ETFBKMT: variants seen among roughly 807,000 people sequenced by gnomAD.
The protein encoded by ETFBKMT is electron transfer flavoprotein subunit beta lysine methyltransferase.
In ETFBKMT, 13 loss-of-function variants were observed where a neutral mutation model predicts 18.3. That is an observed-to-expected ratio of 0.71 (90% confidence interval 0.46 to 1.13). The LOEUF (loss-of-function observed/expected upper bound fraction) is 1.13, where lower values mean the gene tolerates loss of function less well. Among genes scored for constraint, ETFBKMT ranks in the 50% most tolerant of loss-of-function variants. The pLI is 0.00. For missense variants in ETFBKMT, 293 were observed against 306.2 expected, an observed-to-expected ratio of 0.96 and a Z score of 0.32; for synonymous variants, 84 against 107.9, an observed-to-expected ratio of 0.78 and a Z score of 1.37.
chr12:31,666,310 A>T, intron 3 of ETFBKMT, 93 bp downstream of exon 3: 1 of 1,330,782 alleles, frequency 7.5e-7, no homozygotes, highest in Non-Finnish European at 1.0e-6. Flanking sequence ...GCTTATCGTT[A>T]TATGTATTTT....
chr12:31,649,097 G>A (rs1303508748), intron 1 of ETFBKMT, among the ~76,000 whole-genome samples: 1 of 152,158 alleles, frequency 6.6e-6, no homozygotes, highest in Admixed American at 6.6e-5. Context: ...GATTACAGGC[G>A]CCCACCACCA....
At position 31,672,238 on chromosome 12, in the gene ETFBKMT, A is replaced by G. The variant is rs1463061915; in HGVS notation, c.*4248A>G. The stretch of plus-strand genomic sequence containing the variant: ...AACATTAAGTAGAATGCAAATCTCT[A>G]TAGATGGTTTCCTGGGAAAGTAGTT... On this transcript the variant is annotated 3_prime_UTR_variant, in exon 4 of 4. Transcript: ENST00000357721. The G allele has an allele frequency of 2.8e-6, 3 of 1,081,664 alleles. No homozygotes were observed. Among genetic ancestry groups the G allele is most frequent in the African/African-American group, 3.1e-5 (2 of 63,728 alleles). 67.0% of individuals were successfully genotyped at this position (1,081,664 alleles called of 1,614,324 possible). A position where few individuals can be genotyped will look rare whatever the true frequency, so the allele number is the denominator to read the frequency against.
intron 3 of ETFBKMT, among the ~76,000 whole-genome samples, chr12:31,666,733 C>T (rs1216550445): frequency 1.3e-5 from 2 of 152,044 alleles, no homozygotes; most frequent in Non-Finnish European, 2.9e-5. Flanking sequence ...TCACTGCAAG[C>T]TCCGCCTCCC....
At chr12:31,655,057 T>G (rs1175572868), upstream of ETFBKMT, among the ~76,000 whole-genome samples, 1 of 86,694 alleles carries the variant, frequency 1.2e-5, no homozygotes, top group African/African-American at 4.0e-5. Context: ...CTCTGTCTCA[T>G]GAAACAAACA....
chr12:31,657,665 G>A (rs758474783), upstream of ETFBKMT, among the ~76,000 whole-genome samples: 3 of 151,712 alleles, frequency 2.0e-5, no homozygotes, highest in South Asian at 2.1e-4. Flanking sequence ...GGTGGTGTGC[G>A]CCTATAATCC....
intron 1 of ETFBKMT, among the ~76,000 whole-genome samples, chr12:31,647,635 C>G (rs1261294114): frequency 2.0e-5 from 3 of 152,110 alleles, no homozygotes; most frequent in Non-Finnish European, 2.9e-5. Flanking sequence ...TCGAGATCAG[C>G]CTGGCCAACA....
chr12:31,651,492 G>A (rs1277791573), intron 1 of ETFBKMT, among the ~76,000 whole-genome samples: 1 of 151,932 alleles, frequency 6.6e-6, no homozygotes, highest in Non-Finnish European at 1.5e-5. Context: ...ACCACGCATG[G>A]CTAATTTTTG....
intron 2 of ETFBKMT, among the ~76,000 whole-genome samples, chr12:31,664,207 G>A (rs541576491): frequency 5.3e-5 from 8 of 151,780 alleles, no homozygotes; most frequent in South Asian, 2.1e-4. Flanking sequence ...TTATTTCAGC[G>A]TTTCTCCATC....
At chr12:31,660,510 C>T (rs973426596) in intron 1 of ETFBKMT, among the ~76,000 whole-genome samples, 10 of 151,998 alleles carry the variant, frequency 6.6e-5, no homozygotes, top group African/African-American at 2.2e-4. Context: ...TATTCTAATC[C>T]GGGTGTTTTT....
intron 2 of ETFBKMT, among the ~76,000 whole-genome samples, chr12:31,665,451 C>G (rs554925596): frequency 6.6e-6 from 1 of 152,304 alleles, no homozygotes; most frequent in African/African-American, 2.4e-5. Context: ...TTTCTTTTGT[C>G]CAGTCAACCT....
In ETFBKMT at chr12:31,662,244, G is replaced by A. The variant is rs758774510; in HGVS notation, c.291G>A (p.Trp97Ter). The A allele has an allele frequency of 6.2e-7, 1 of 1,614,116 alleles. No homozygotes were observed. The highest frequency in any genetic ancestry group is 1.1e-5 in the South Asian group (1 of 91,086). ...GTGATCCTTACTGGGCAATCTACTG[G>A]CCAGGAGGCCAAGCCCTGTCTAGGT... ...PHSDPYWAIY[W>*]PGGQALSRYL... The change falls in exon 2 of 4, where the codon TGG becomes TGA. Residue 97 changes from tryptophan (W) to a stop codon, truncating the protein, a stop_gained. Transcript: ENST00000357721. LOFTEE classifies it high-confidence loss of function.
intron 2 of ETFBKMT, among the ~76,000 whole-genome samples, chr12:31,665,229 C>T (rs936186542): frequency 6.6e-6 from 1 of 152,174 alleles, no homozygotes; most frequent in Non-Finnish European, 1.5e-5. Flanking sequence ...AGCCACTGTG[C>T]CCAGCCTACA....
chr12:31,647,345 C>G (rs1022737636), intron 1 of ETFBKMT: 1 of 152,158 alleles, frequency 6.6e-6, no homozygotes, highest in Non-Finnish European at 1.5e-5. Context: ...AAATAGCTTC[C>G]TCTTTCTCAT....
chr12:31,663,096 AT>A (rs563592807), intron 2 of ETFBKMT, among the ~76,000 whole-genome samples: 115 of 147,168 alleles, frequency 7.8e-4, no homozygotes, highest in Non-Finnish European at 1.1e-3. Flanking sequence ...ACAAAAAAAA[AT>A]TTTTTTTTTT....
intron 3 of ETFBKMT, among the ~76,000 whole-genome samples, chr12:31,667,218 C>T (rs1344928235): frequency 6.6e-6 from 1 of 152,154 alleles, no homozygotes; most frequent in Non-Finnish European, 1.5e-5. Context: ...TGGTCTTGAA[C>T]TCCTGACCTC....
chr12:31,668,013 T>A lies in ETFBKMT; in HGVS notation c.*23T>A. 1 of 1,586,546 alleles carries A rather than the reference T, an allele frequency of 6.3e-7. No homozygotes were observed. On this transcript the variant is annotated 3_prime_UTR_variant, in exon 4 of 4. Coordinates refer to ENST00000357721, the MANE Select transcript of ETFBKMT (RefSeq NM_001135863.2). ...TGAGTTGTCAAAGTGCTTCCAAGTATGAATATAGTAATGTTTGGATCTGAC... is the reference window on the plus strand; with the variant it reads ...TGAGTTGTCAAAGTGCTTCCAAGTAAGAATATAGTAATGTTTGGATCTGAC...
intron 2 of ETFBKMT, among the ~76,000 whole-genome samples, chr12:31,663,415 A>C (rs11051519): frequency 0.1 from 15,287 of 151,132 alleles, 1,112 homozygotes; most frequent in East Asian, 0.28. Context: ...TAGTAGAGAC[A>C]GGGTTTCACC....
intron 1 of ETFBKMT, among the ~76,000 whole-genome samples, chr12:31,649,263 A>G (rs1950995545): frequency 6.6e-6 from 1 of 152,268 alleles, no homozygotes; most frequent in Non-Finnish European, 1.5e-5. Context: ...AATTTTTTCA[A>G]TCTGCGGTTG....
rs1160882059 is a variant in ETFBKMT at position 31,662,190 on chromosome 12, G to A, written c.237G>A (p.Trp79Ter). ...LRLLTPRCKF[W>*]WERADLWPHS... ...TTTTGACCCCCAGATGCAAATTCTG[G>A]TGGGAGAGAGCTGACCTGTGGCCCC... The change falls in exon 2 of 4, where the codon TGG becomes TGA. Residue 79 changes from tryptophan (W) to a stop codon, truncating the protein, a stop_gained. Coordinates refer to ENST00000357721, the MANE Select transcript of ETFBKMT (RefSeq NM_001135863.2). LOFTEE classifies it high-confidence loss of function. 1.2e-6 allele frequency: 2 copies of A among 1,614,084 alleles called. No homozygotes were observed. Among genetic ancestry groups the A allele is most frequent in the East Asian group, 2.2e-5 (1 of 44,896 alleles).
Sources: gnomAD v4.1 joint callset for allele counts (sites outside exome capture counted in the v4.1 genomes callset) on GRCh38, gnomAD v4.1.1 for gene constraint, MANE v1.5 for transcripts, NCBI Gene and HGNC (gene_info 2026-07-23, HGNC 2026-07-21) for gene names.